Variants in FRAS1 observed in about 807,000 individuals in gnomAD.
FRAS1 encodes extracellular matrix organizing protein FRAS1.
FRAS1 carries 290 observed loss-of-function variants against 435.2 expected under a neutral mutation model. That is an observed-to-expected ratio of 0.67 (90% CI 0.61 to 0.73). The LOEUF (loss-of-function observed/expected upper bound fraction) is 0.73, where lower values mean the gene tolerates loss of function less well. Ranked by LOEUF, FRAS1 falls within the 30% of genes least tolerant of loss-of-function variation. FRAS1 has a pLI of 0.00. For synonymous variants in FRAS1, 1,800 were observed against 1,851.0 expected, an observed-to-expected ratio of 0.97 and a Z score of 0.71; for missense variants, 4,860 against 5,001.5, an observed-to-expected ratio of 0.97 and a Z score of 0.85.
chr4:78,248,626 A>C (rs756094113), intron 4 of FRAS1, among the ~76,000 whole-genome samples: 12 of 152,174 alleles, frequency 7.9e-5, no homozygotes, highest in African/African-American at 1.4e-4. Flanking sequence ...TTCTCCTCAA[A>C]GTAGAGGATG....
chr4:78,105,674 G>T (rs991782653), intron 2 of FRAS1, among the ~76,000 whole-genome samples: 1 of 152,066 alleles, frequency 6.6e-6, no homozygotes. Flanking sequence ...GTTGAAAATA[G>T]GATAAAATAA....
chr4:78,536,852 T>C (rs1027845595), intron 71 of FRAS1, 143 bp from the exon 72 acceptor site: 6 of 602,386 alleles, frequency 1.0e-5, no homozygotes, highest in Non-Finnish European at 1.7e-5. Context: ...ATGAGTATTT[T>C]AGGGGCACAT....
chr4:78,198,490 A>G (rs951091902), intron 2 of FRAS1, among the ~76,000 whole-genome samples: 8 of 152,318 alleles, frequency 5.3e-5, no homozygotes, highest in South Asian at 4.2e-4. Flanking sequence ...AGGAACCTAA[A>G]CGAAAAGAAA....
chr4:78,320,912 C>T (rs755166651), intron 18 of FRAS1, among the ~76,000 whole-genome samples: 18 of 152,130 alleles, frequency 1.2e-4, no homozygotes, highest in Non-Finnish European at 2.4e-4. Flanking sequence ...CAAGAAATTC[C>T]TCACTGTAGC....
intron 4 of FRAS1, among the ~76,000 whole-genome samples, chr4:78,251,303 A>G (rs1273055987): frequency 1.3e-5 from 2 of 152,212 alleles, no homozygotes; most frequent in Non-Finnish European, 2.9e-5. Context: ...CTTACAGTCA[A>G]AACAAGGTGT....
In FRAS1 at chr4:78,284,473, A is replaced by G. The variant is rs754476247; in HGVS notation, c.1324A>G (p.Thr442Ala). The G allele has an allele frequency of 3.1e-6, 5 of 1,613,684 alleles. No individual in the cohort carries two copies. In the African/African-American group the frequency reaches 5.3e-5, roughly 17 times the overall value. Reference sequence around the variant, plus strand: ...CCACTGTGACCTCTGCCAAGATCCTACCAAGTTACTGCAGAATGGATGGTG... The same window carrying G: ...CCACTGTGACCTCTGCCAAGATCCTGCCAAGTTACTGCAGAATGGATGGTG... ...PDHCDLCQDP[T>A]KLLQNGWCVH... The change falls in exon 13 of 74, where the codon ACC (threonine) becomes GCC (alanine). Residue 442 changes from threonine to alanine, a missense_variant. Thr to Ala is a moderately conservative substitution (Grantham distance 58, BLOSUM62 0). Transcript: ENST00000512123.
intron 15 of FRAS1, among the ~76,000 whole-genome samples, chr4:78,309,925 T>C (rs770003588): frequency 1.4e-4 from 22 of 152,214 alleles, no homozygotes; most frequent in Non-Finnish European, 3.1e-4. Flanking sequence ...TGAGTTATCG[T>C]CCTCATTTTG....
In FRAS1 at chr4:78,363,614, T is replaced by G. The variant is rs752604378; in HGVS notation, c.2524T>G (p.Cys842Gly). The change falls in exon 21 of 74, where the codon TGT becomes GGT. Residue 842 changes from cysteine to glycine, a missense_variant. By Grantham distance (159) the Cys-to-Gly change is radical (BLOSUM62 -3). Coordinates refer to ENST00000512123, the MANE Select transcript of FRAS1 (RefSeq NM_025074.7). ...NAHYLLLGDHCVPDCPSGYYA... is the reference protein window; with the variant it reads ...NAHYLLLGDHGVPDCPSGYYA... ...CCACTACCTGCTGCTCGGGGACCAC[T>G]GTGTTCCTGACTGCCCTTCAGGATA... 1 of 1,606,624 alleles carries G rather than the reference T, an allele frequency of 6.2e-7. No homozygotes were observed.
chr4:78,390,541 C>T (rs1732405548), intron 29 of FRAS1, among the ~76,000 whole-genome samples: 1 of 152,130 alleles, frequency 6.6e-6, no homozygotes, highest in Non-Finnish European at 1.5e-5. Context: ...ATTCTTATCC[C>T]CTTGATGGAT....
intron 73 of FRAS1, among the ~76,000 whole-genome samples, chr4:78,540,060 G>GT (rs1215639025): frequency 2.6e-5 from 4 of 152,174 alleles, no homozygotes; most frequent in African/African-American, 9.6e-5. Context: ...TGTTTGTCAC[G>GT]TATCTGTGTA....
At chr4:78,083,099 G>A (rs1053935425) in intron 2 of FRAS1, among the ~76,000 whole-genome samples, 2 of 151,966 alleles carry the variant, frequency 1.3e-5, no homozygotes, top group African/African-American at 4.8e-5. Flanking sequence ...TAGGGATCTG[G>A]AAATTAACTT....
At chr4:78,387,352 T>C (rs759285467) in intron 28 of FRAS1, 23 bp from the exon 29 acceptor site, 1 of 1,559,938 alleles carries the variant, frequency 6.4e-7, no homozygotes, top group Non-Finnish European at 8.7e-7. Context: ...CTTAACTGAC[T>C]CTTCTTCCCT....
intron 2 of FRAS1, among the ~76,000 whole-genome samples, chr4:78,121,508 A>T (rs1261507469): frequency 6.6e-6 from 1 of 152,164 alleles, no homozygotes. Context: ...AAGTAATGTA[A>T]TCAAGCACAC....
intron 2 of FRAS1, among the ~76,000 whole-genome samples, chr4:78,229,770 T>G (rs1724442928): frequency 6.6e-6 from 1 of 152,116 alleles, no homozygotes; most frequent in East Asian, 1.9e-4. Context: ...TAGCTCCTAA[T>G]AGCTGAGCTC....
chr4:78,356,838 C>T (rs1004965091), intron 20 of FRAS1, among the ~76,000 whole-genome samples: 2 of 152,114 alleles, frequency 1.3e-5, no homozygotes, highest in Non-Finnish European at 2.9e-5. Flanking sequence ...ATAACAAAAA[C>T]ACAGAGACCT....
At chr4:78,414,154 G>A (rs771092236) in intron 32 of FRAS1, among the ~76,000 whole-genome samples, 5 of 152,260 alleles carry the variant, frequency 3.3e-5, no homozygotes, top group Middle Eastern at 6.8e-3. Flanking sequence ...ACCATAAACC[G>A]TAATTTAAAG....
rs141889914 is a variant in FRAS1 at position 78,118,883 on chromosome 4, G to A, written c.108+52867G>A. Among the ~76,000 whole-genome samples the A allele has an allele frequency of 4.9e-3, 744 of 152,294 alleles. 3 individuals are homozygous for A. The highest frequency in any genetic ancestry group is 9.0e-3 in the Admixed American group (137 of 15,302). ...TGCACCCAGTACCTCAGTTGGAAATGCAGAAATCACCCGTCTTCTGCATCA... is the reference window on the plus strand; with the variant it reads ...TGCACCCAGTACCTCAGTTGGAAATACAGAAATCACCCGTCTTCTGCATCA... On this transcript the variant is annotated intron_variant, in intron 2 of 73. Transcript: ENST00000512123.
At chr4:78,084,231 G>T (rs1037427336) in intron 2 of FRAS1, among the ~76,000 whole-genome samples, 2 of 151,900 alleles carry the variant, frequency 1.3e-5, no homozygotes, top group Admixed American at 6.6e-5. Flanking sequence ...ACAGTATGTT[G>T]TTATAATTAT....
intron 69 of FRAS1, among the ~76,000 whole-genome samples, chr4:78,525,379 G>T (rs1721503342): frequency 6.6e-6 from 1 of 152,146 alleles, no homozygotes; most frequent in Non-Finnish European, 1.5e-5. Flanking sequence ...CAGACTTTTA[G>T]AACGGGAAGG....
Sources: allele counts gnomAD v4.1 joint callset (sites outside exome capture counted in the v4.1 genomes callset), GRCh38; gene constraint gnomAD v4.1.1; transcripts MANE v1.5; gene names NCBI Gene and HGNC (gene_info 2026-07-23, HGNC 2026-07-21).